The following GMPS variants were observed in gnomAD, a reference collection of about 807,000 sequenced individuals.
The protein encoded by GMPS is guanosine monophosphate synthase.
In GMPS, 15 loss-of-function variants were observed where a neutral mutation model predicts 77.9. The ratio of observed to expected loss-of-function variants is 0.19; its 90% CI spans 0.13 to 0.30. The LOEUF is 0.30. GMPS is among the 10% of genes least tolerant of loss of function. The probability of loss-of-function intolerance (pLI) is 1.00; values close to 1 mark genes in which losing one functional copy is unlikely to be tolerated. For synonymous variants in GMPS, 224 were observed against 275.9 expected, an observed-to-expected ratio of 0.81 and a Z score of 1.86; for missense variants, 590 against 838.8, an observed-to-expected ratio of 0.70 and a Z score of 3.66.
At chr3:155,871,493 C>T (rs1248496724) in intron 1 of GMPS, among the ~76,000 whole-genome samples, 2 of 152,222 alleles carry the variant, frequency 1.3e-5, no homozygotes, top group Non-Finnish European at 2.9e-5. Context: ...TGGACGAACC[C>T]CTCGGAGCTG....
chr3:155,899,511 T>C (rs1754683421), intron 3 of GMPS, among the ~76,000 whole-genome samples: 1 of 151,920 alleles, frequency 6.6e-6, no homozygotes, highest in Non-Finnish European at 1.5e-5. Context: ...AAATATCTTA[T>C]ATACCTCCAA....
intron 5 of GMPS, among the ~76,000 whole-genome samples, chr3:155,907,824 C>T (rs1577517855): frequency 6.6e-6 from 1 of 152,238 alleles, no homozygotes; most frequent in East Asian, 1.9e-4. Context: ...AAAATAAGTG[C>T]TAACCTTTTT....
In GMPS at chr3:155,907,240, T is replaced by A. The variant is rs141373549; in HGVS notation, c.526+977T>A. Among the ~76,000 whole-genome samples the A allele has an allele frequency of 5.5e-3, 837 of 152,228 alleles. 2 individuals carry two copies. Among genetic ancestry groups the A allele is most frequent in the South Asian group, 0.015 (70 of 4,808 alleles). On this transcript the variant is annotated intron_variant, in intron 5 of 15. Transcript: ENST00000496455. ...GTATTTTTATTCATCCAACAAACAT[T>A]CGAGTACCTATTATGTGTCATGCAC...
intron 9 of GMPS, 63 bp downstream of exon 9, chr3:155,916,255 CTCTTCCCTCT>C: frequency 2.1e-6 from 2 of 969,860 alleles, no homozygotes; most frequent in South Asian, 1.4e-5. Context: ...TTCTTCCCTC[CTCTTCCCTCT>C]AATATTCACA....
At chr3:155,886,568 CAAAA>C in intron 1 of GMPS, among the ~76,000 whole-genome samples, 1 of 44,166 alleles carries the variant, frequency 2.3e-5, no homozygotes. Flanking sequence ...GAGTCCATCT[CAAAA>C]AAAAAAAAAA....
At chr3:155,931,714 C>G in intron 12 of GMPS, 51 bp from the exon 13 acceptor site, 5 of 558,948 alleles carry the variant, frequency 8.9e-6, no homozygotes, top group African/African-American at 2.1e-5. Context: ...TCAAGTTAAA[C>G]TGGTGTATCT....
chr3:155,883,891 T>TTCATTTTTTCA (rs1754268585), intron 1 of GMPS, among the ~76,000 whole-genome samples: 1 of 152,168 alleles, frequency 6.6e-6, no homozygotes, highest in African/African-American at 2.4e-5. Context: ...ACTGAATGTT[T>TTCATTTTTTCA]ACCCTTTTCA....
chr3:155,874,801 G>T (rs543937492), intron 1 of GMPS, among the ~76,000 whole-genome samples: 1 of 151,006 alleles, frequency 6.6e-6, no homozygotes, highest in East Asian at 1.9e-4. Flanking sequence ...TAAGGTTAAT[G>T]AATTACATTC....
chr3:155,915,855 G>A (rs982203775), intron 8 of GMPS, among the ~76,000 whole-genome samples, 164 bp from the exon 9 acceptor site: 4 of 152,184 alleles, frequency 2.6e-5, no homozygotes, highest in Admixed American at 6.5e-5. Context: ...TTTTTGAATC[G>A]TGTTAGAGGA....
At chr3:155,924,891 TA>T (rs201051032) in intron 11 of GMPS, among the ~76,000 whole-genome samples, 8,277 of 150,876 alleles carry the variant, frequency 0.055, 315 homozygotes, top group East Asian at 0.18. Context: ...ACCAGGTAAA[TA>T]AAAAAAAAGA....
intron 7 of GMPS, among the ~76,000 whole-genome samples, chr3:155,913,592 G>T (rs1033117209): frequency 1.3e-5 from 2 of 151,718 alleles, no homozygotes; most frequent in African/African-American, 2.4e-5. Context: ...CACAACCTCG[G>T]CTCACTGCAA....
At chr3:155,910,912 AC>A (rs770545180) in intron 6 of GMPS, 27 bp downstream of exon 6, 1 of 1,425,552 alleles carries the variant, frequency 7.0e-7, no homozygotes, top group Non-Finnish European at 9.7e-7. Flanking sequence ...CTGGAAGTCT[AC>A]AAATTTATAT....
intron 3 of GMPS, among the ~76,000 whole-genome samples, chr3:155,901,897 T>C (rs62286842): frequency 0.054 from 8,298 of 152,260 alleles, 317 homozygotes; most frequent in East Asian, 0.18. Flanking sequence ...GATTGTGACT[T>C]GTCTCTTCAC....
chr3:155,892,936 A>T (rs2108072945), intron 1 of GMPS, among the ~76,000 whole-genome samples: 1 of 152,308 alleles, frequency 6.6e-6, no homozygotes, highest in Non-Finnish European at 1.5e-5. Flanking sequence ...CCGGCCTAAA[A>T]GGCCTTTTAA....
At chr3:155,934,796 T>C in intron 13 of GMPS, 120 bp from the exon 14 acceptor site, 1 of 676,556 alleles carries the variant, frequency 1.5e-6, no homozygotes, top group Non-Finnish European at 2.6e-6. Flanking sequence ...GAGAAGGGCC[T>C]GAAACTAAGT....
chr3:155,925,225 C>T lies in GMPS; in HGVS notation c.1435-16C>T, dbSNP rs1271546378. On this transcript the variant is annotated splice_polypyrimidine_tract_variant and intron_variant, in intron 11 of 15. Coordinates refer to ENST00000496455, the MANE Select transcript of GMPS (RefSeq NM_003875.3). ...ATTTCTTAAAACTGAAAAAATGCCT[C>T]TTTGGTTTTTCTCAGCCACATACCC... 10 of 1,597,916 alleles carry T rather than the reference C, an allele frequency of 6.3e-6. No individual in the cohort carries two copies. The highest frequency in any genetic ancestry group is 1.4e-5 in the African/African-American group (1 of 74,060).
chr3:155,930,389 C>T (rs1157927956), intron 12 of GMPS, among the ~76,000 whole-genome samples: 4 of 144,404 alleles, frequency 2.8e-5, no homozygotes, highest in Admixed American at 1.4e-4. Context: ...AAACGTTAGA[C>T]CTAAAACCAT....
chr3:155,929,378 C>G (rs62287801), intron 12 of GMPS, among the ~76,000 whole-genome samples: 6,582 of 152,088 alleles, frequency 0.043, 251 homozygotes, highest in East Asian at 0.18. Context: ...ATAATAAGAG[C>G]TATCTATGAC....
chr3:155,887,799 G>A (rs1754370881), intron 1 of GMPS, among the ~76,000 whole-genome samples: 1 of 151,158 alleles, frequency 6.6e-6, no homozygotes, highest in Non-Finnish European at 1.5e-5. Flanking sequence ...TCGTTCAGGT[G>A]GAAAAAGTGT....
Sources: allele counts gnomAD v4.1 joint callset (sites outside exome capture counted in the v4.1 genomes callset), GRCh38; gene constraint gnomAD v4.1.1; transcripts MANE v1.5; gene names NCBI Gene and HGNC (gene_info 2026-07-23, HGNC 2026-07-21).